Variants in ANXA11 observed in about 807,000 individuals in gnomAD.
The protein encoded by ANXA11 is annexin A11.
In ANXA11, 57 loss-of-function variants were observed where a neutral mutation model predicts 64.7. That is an observed-to-expected ratio of 0.88 (90% confidence interval 0.71 to 1.10). The LOEUF (loss-of-function observed/expected upper bound fraction) is 1.10. ANXA11 is among the 50% of genes least tolerant of loss of function. The pLI is 0.00. For synonymous variants in ANXA11, 260 were observed against 265.2 expected, an observed-to-expected ratio of 0.98 and a Z score of 0.19; for missense variants, 675 against 670.7, an observed-to-expected ratio of 1.01 and a Z score of -0.07.
intron 1 of ANXA11, among the ~76,000 whole-genome samples, chr10:80,203,403 C>T (rs140360729): frequency 1.3e-3 from 200 of 152,222 alleles, no homozygotes; most frequent in Non-Finnish European, 2.1e-3. Flanking sequence ...TCCACTCCCA[C>T]CTCTTAGTCC....
chr10:80,169,862 C>A (rs897965724), intron 4 of ANXA11, among the ~76,000 whole-genome samples: 1 of 152,164 alleles, frequency 6.6e-6, no homozygotes, highest in Non-Finnish European at 1.5e-5. Context: ...CTCACCCCCT[C>A]GCCTTTCCAC....
chr10:80,193,443 C>T (rs762171882), intron 1 of ANXA11, among the ~76,000 whole-genome samples: 8 of 151,954 alleles, frequency 5.3e-5, no homozygotes, highest in Admixed American at 1.3e-4. Context: ...TGGCTTTTTT[C>T]GTGTATTATT....
In ANXA11 at chr10:80,155,744, G is replaced by A. The variant is rs142987783; in HGVS notation, c.*109C>T. The A allele has an allele frequency of 2.0e-4, 217 of 1,090,674 alleles. 2 individuals carry two copies. The highest frequency in any genetic ancestry group is 1.9e-3 in the African/African-American group (121 of 65,122). The allele number at this position is 1,090,674 out of a possible 1,614,324, so 67.6% of individuals were successfully genotyped here. A position where few individuals can be genotyped will look rare whatever the true frequency, so the allele number is the denominator to read the frequency against. On this transcript the variant is annotated 3_prime_UTR_variant, in exon 16 of 16. Coordinates refer to ENST00000422982, the MANE Select transcript of ANXA11 (RefSeq NM_145868.2). ...GGAAGACAGGCCTAAGCTCTAGGAC[G>A]GTGAATCTCGGGGCTATTTGTGGAT...
At chr10:80,181,148 T>G (rs2132451892) in intron 1 of ANXA11, 1 of 152,374 alleles carries the variant, frequency 6.6e-6, no homozygotes, top group Non-Finnish European at 1.5e-5. Flanking sequence ...TGCTGATATA[T>G]TCTTTAAAAT....
In ANXA11 at chr10:80,166,916, G is replaced by GT; in HGVS notation, c.717dup (p.Leu240ThrfsTer18). ...TTGCCGTAAGCCGTCTTGAAGGAAA[G>GT]TAGGATCTGCTGCCGCTGCTTGTTG... On this transcript the variant is annotated frameshift_variant, in exon 7 of 16. Transcript: ENST00000422982. LOFTEE classifies it high-confidence loss of function. 1 of 1,608,988 alleles carries GT rather than the reference G, an allele frequency of 6.2e-7. No individual in the cohort carries two copies. The highest frequency in any genetic ancestry group is 8.5e-7 in the Non-Finnish European group (1 of 1,178,256).
At position 80,185,242 on chromosome 10, in the gene ANXA11, C is replaced by T. The variant is rs1272026227; in HGVS notation, c.-57-9087G>A. ...CCATCTACTGCCCCCAGAAGTCTTGCTCAGATCTAACCGGGATGCCCAGGC... is the reference window on the plus strand; with the variant it reads ...CCATCTACTGCCCCCAGAAGTCTTGTTCAGATCTAACCGGGATGCCCAGGC... On this transcript the variant is annotated intron_variant, in intron 1 of 15. Coordinates refer to ENST00000422982, the MANE Select transcript of ANXA11 (RefSeq NM_145868.2). 2.0e-5 allele frequency among the ~76,000 whole-genome samples: 3 copies of T among 152,202 alleles called. No individual in the cohort carries two copies. The East Asian group carries it at 5.8e-4, about 29-fold the overall frequency.
chr10:80,186,802 C>T (rs1446601797), intron 1 of ANXA11, among the ~76,000 whole-genome samples: 1 of 152,206 alleles, frequency 6.6e-6, no homozygotes, highest in African/African-American at 2.4e-5. Context: ...GAGCACACAG[C>T]GTCACACGCA....
intron 6 of ANXA11, 42 bp downstream of exon 6, chr10:80,167,184 A>G (rs1326549767): frequency 8.2e-6 from 13 of 1,587,706 alleles, no homozygotes; most frequent in Non-Finnish European, 1.1e-5. Context: ...CCTGGGAAAT[A>G]GGGGGCAGGG....
At chr10:80,176,731 G>T (rs568006375) in intron 1 of ANXA11, among the ~76,000 whole-genome samples, 2 of 151,822 alleles carry the variant, frequency 1.3e-5, no homozygotes, top group African/African-American at 4.9e-5. Flanking sequence ...CCTTGATGGC[G>T]CTCGTGGAGC....
chr10:80,178,727 T>C (rs899457874), intron 1 of ANXA11, among the ~76,000 whole-genome samples: 2 of 152,232 alleles, frequency 1.3e-5, no homozygotes, highest in African/African-American at 2.4e-5. Context: ...GCATTTCCAG[T>C]GGCTCCCAGG....
chr10:80,204,984 G>A (rs1215878209), intron 1 of ANXA11: 2 of 152,122 alleles, frequency 1.3e-5, no homozygotes, highest in African/African-American at 2.4e-5. Flanking sequence ...CCGGGCCTCC[G>A]GCACCCCTCC....
chr10:80,188,687 C>T (rs906509514), intron 1 of ANXA11, among the ~76,000 whole-genome samples: 1 of 151,208 alleles, frequency 6.6e-6, no homozygotes, highest in Admixed American at 6.7e-5. Flanking sequence ...TGATGTACCC[C>T]ACCTACCTTG....
intron 15 of ANXA11, among the ~76,000 whole-genome samples, chr10:80,156,801 G>C (rs993121335): frequency 6.6e-6 from 1 of 152,214 alleles, no homozygotes; most frequent in Non-Finnish European, 1.5e-5. Flanking sequence ...ACTGTGCCCA[G>C]CCTAGAATCA....
intron 1 of ANXA11, among the ~76,000 whole-genome samples, chr10:80,191,749 G>T (rs118150702): frequency 6.6e-6 from 1 of 152,188 alleles, no homozygotes; most frequent in Non-Finnish European, 1.5e-5. Flanking sequence ...GCCAGGCTAC[G>T]CATGCCCAGT....
At chr10:80,166,239 AAGTCTATTT>A in intron 7 of ANXA11, 42 bp from the exon 8 acceptor site, 1 of 1,205,208 alleles carries the variant, frequency 8.3e-7, no homozygotes, top group Non-Finnish European at 1.2e-6. Context: ...AAAAAAAAAC[AAGTCTATTT>A]AAAAAATCCA....
chr10:80,174,047 C>T (rs1846077264), intron 2 of ANXA11, among the ~76,000 whole-genome samples: 1 of 152,168 alleles, frequency 6.6e-6, no homozygotes. Context: ...TCTTGAAGAA[C>T]TGGGCATATT....
At chr10:80,188,480 C>CATATATATATATAT (rs71034291) in intron 1 of ANXA11, among the ~76,000 whole-genome samples, 101 of 100,578 alleles carry the variant, frequency 1.0e-3, no homozygotes, top group Non-Finnish European at 1.4e-3. Context: ...AGTATTCTCA[C>CATATATATATATAT]ATATATATAT....
chr10:80,169,954 T>A (rs953680320), intron 4 of ANXA11, among the ~76,000 whole-genome samples: 2 of 152,072 alleles, frequency 1.3e-5, no homozygotes, highest in African/African-American at 2.4e-5. Context: ...TCCCTAGACA[T>A]CCATACAGCA....
chr10:80,173,398 G>A (rs578189857), intron 2 of ANXA11, among the ~76,000 whole-genome samples: 27 of 152,338 alleles, frequency 1.8e-4, no homozygotes, highest in East Asian at 5.8e-4. Context: ...TGGAATCATC[G>A]TTCCTAGAAG....
Sources: gnomAD v4.1 joint callset for allele counts (sites outside exome capture counted in the v4.1 genomes callset) on GRCh38, gnomAD v4.1.1 for gene constraint, MANE v1.5 for transcripts, NCBI Gene and HGNC (gene_info 2026-07-23, HGNC 2026-07-21) for gene names.